NSD2: variants seen among roughly 807,000 people sequenced by gnomAD.
NSD2 encodes histone-lysine N-methyltransferase NSD2.
Under a neutral mutation model 139.0 loss-of-function variants are expected in NSD2, and 12 were observed. That is an observed-to-expected ratio of 0.09 (90% confidence interval 0.06 to 0.14). NSD2 has a LOEUF of 0.14. Among genes scored for constraint, NSD2 ranks in the 10% least tolerant of loss-of-function variants. The pLI is 1.00. For missense variants in NSD2, 1,155 were observed against 1,745.0 expected (o/e 0.66, Z 6.02); for synonymous variants, 669 against 648.7 (o/e 1.03, Z -0.48).
intron 7 of NSD2, 55 bp from the exon 8 acceptor site, chr4:1,938,393 TTTC>T (rs1722664718): frequency 2.3e-6 from 3 of 1,292,340 alleles, no homozygotes; most frequent in Non-Finnish European, 3.1e-6. Context: ...TTTTCCTTTT[TTTC>T]TTTTCTTTTT....
At chr4:1,902,848 T>C (rs1717365627) in intron 2 of NSD2, among the ~76,000 whole-genome samples, 1 of 152,158 alleles carries the variant, frequency 6.6e-6, no homozygotes, top group South Asian at 2.1e-4. Flanking sequence ...AATGTAAACC[T>C]GGGTTGCTGT....
intron 5 of NSD2, among the ~76,000 whole-genome samples, chr4:1,924,308 G>C (rs897423817): frequency 6.6e-6 from 1 of 152,194 alleles, no homozygotes; most frequent in African/African-American, 2.4e-5. Flanking sequence ...CCTGCGCAGG[G>C]TTGGTGAGGT....
intron 1 of NSD2, among the ~76,000 whole-genome samples, chr4:1,879,200 T>C (rs1714520597): frequency 6.6e-6 from 1 of 152,126 alleles, no homozygotes; most frequent in Non-Finnish European, 1.5e-5. Flanking sequence ...TACAACACTT[T>C]TTAAAATTAT....
At chr4:1,874,018 C>T (rs563529027) in intron 1 of NSD2, among the ~76,000 whole-genome samples, 17 of 152,204 alleles carry the variant, frequency 1.1e-4, no homozygotes, top group Non-Finnish European at 2.2e-4. Context: ...CACACTCAGC[C>T]TTCCTGGCTC....
At chr4:1,945,144 A>AT in intron 9 of NSD2, 1 of 1,063,862 alleles carries the variant, frequency 9.4e-7, no homozygotes, top group East Asian at 5.1e-5. Flanking sequence ...GGGAGATCTG[A>AT]TTTTGTGTTT....
intron 21 of NSD2, among the ~76,000 whole-genome samples, chr4:1,977,415 T>A (rs368977435): frequency 9.2e-5 from 14 of 152,344 alleles, no homozygotes; most frequent in East Asian, 3.9e-4. Context: ...TTGCAGTGTG[T>A]CGCCATGAGG....
intron 18 of NSD2, among the ~76,000 whole-genome samples, chr4:1,963,322 G>C (rs1442954042): frequency 1.3e-5 from 2 of 152,138 alleles, no homozygotes; most frequent in Admixed American, 6.5e-5. Flanking sequence ...TTGCTCAAAG[G>C]CTTGGTGGCC....
chr4:1,884,108 G>A (rs1714903490), intron 1 of NSD2, among the ~76,000 whole-genome samples: 1 of 151,754 alleles, frequency 6.6e-6, no homozygotes, highest in Non-Finnish European at 1.5e-5. Flanking sequence ...TTTTTTTGTC[G>A]GGGAGGAGAT....
chr4:1,918,308 T>C lies in NSD2; in HGVS notation c.1095T>C (p.Ile365=), dbSNP rs748474407. 6.2e-7 allele frequency: 1 copy of C among 1,613,980 alleles called. No homozygotes were observed. Among genetic ancestry groups the C allele is most frequent in the African/African-American group, 1.3e-5 (1 of 74,976 alleles). The change falls in exon 5 of 22, where the codon ATT becomes ATC. Residue 365 remains isoleucine (I), a synonymous_variant. Transcript: ENST00000508803. ...LNPQVAKEAG[I]AAESLGEMAE... is the part of the protein sequence containing the mutation. ...CTCAAGTAGCCAAGGAGGCTGGCAT[T>C]GCTGCAGAGTCTTTGGGAGAAATGG... is the stretch of plus-strand genomic sequence containing the variant.
At position 1,978,893 on chromosome 4, in the gene NSD2, TCACAGAGGG is replaced by T; in HGVS notation, c.4085_4093del (p.Thr1362_Gly1364del). On this transcript the variant is annotated inframe_deletion, in exon 22 of 22. Transcript: ENST00000508803. ...CGGCGGCGGAGGGGCTGGCGGAGAG[TCACAGAGGG>T]CAAATAGCGCCAGGCGGCCGCTTGG... The T allele has an allele frequency of 6.4e-7, 1 of 1,558,550 alleles. No homozygotes were observed. Among genetic ancestry groups the T allele is most frequent in the Non-Finnish European group, 8.7e-7 (1 of 1,150,318 alleles).
At chr4:1,917,778 C>CTTTT (rs34000332) in intron 4 of NSD2, among the ~76,000 whole-genome samples, 2 of 122,668 alleles carry the variant, frequency 1.6e-5, no homozygotes, top group African/African-American at 6.0e-5. Flanking sequence ...TAAAAGTATT[C>CTTTT]TTTTTTTTTT....
At chr4:1,927,576 A>G (rs1021295537) in intron 5 of NSD2, among the ~76,000 whole-genome samples, 16 of 151,734 alleles carry the variant, frequency 1.1e-4, no homozygotes, top group African/African-American at 3.4e-4. Flanking sequence ...AAAAGTAGCC[A>G]GGTGTGGTGG....
At position 1,979,563 on chromosome 4, in the gene NSD2, T is replaced by C. The variant is rs1727544651; in HGVS notation, c.*654T>C. 4.3e-6 allele frequency: 1 copy of C among 232,910 alleles called. No individual in the cohort carries two copies. The highest frequency in any genetic ancestry group is 6.0e-5 in the East Asian group (1 of 16,532). The allele number at this position is 232,910 out of a possible 1,614,324, so 14.4% of individuals were successfully genotyped here. The stretch of plus-strand genomic sequence containing the variant: ...TTCCTCCCGTAGTTTTTTCTCCTCA[T>C]GGATTTGAATGAAATGCCAATAACA... On this transcript the variant is annotated 3_prime_UTR_variant, in exon 22 of 22. Coordinates refer to ENST00000508803, the MANE Select transcript of NSD2 (RefSeq NM_001042424.3).
chr4:1,918,584 A>T lies in NSD2; in HGVS notation c.1371A>T (p.Ala457=). Residue 457 remains alanine (A), a synonymous_variant, in exon 5 of 22, where the codon GCA becomes GCT. Coordinates refer to ENST00000508803, the MANE Select transcript of NSD2 (RefSeq NM_001042424.3). ...SMPRSRKGDA[A]SQFLVFCQKH... is the part of the protein sequence containing the mutation. ...CACGAAGCAGGAAGGGAGATGCAGCATCCCAGTTTTTGGTCTTCTGTCAAA... is the reference window on the plus strand; with the variant it reads ...CACGAAGCAGGAAGGGAGATGCAGCTTCCCAGTTTTTGGTCTTCTGTCAAA... 1 of 1,614,002 alleles carries T rather than the reference A, an allele frequency of 6.2e-7. No individual in the cohort carries two copies. Among genetic ancestry groups the T allele is most frequent in the South Asian group, 1.1e-5 (1 of 91,078 alleles).
intron 6 of NSD2, among the ~76,000 whole-genome samples, chr4:1,932,470 G>A (rs562832854): frequency 3.3e-5 from 5 of 150,282 alleles, no homozygotes; most frequent in Admixed American, 2.0e-4. Flanking sequence ...ATTCCAGCCC[G>A]GCGCAGTGGC....
chr4:1,958,997 C>T lies in NSD2; in HGVS notation c.2986-474C>T, dbSNP rs1357167939. On this transcript the variant is annotated intron_variant, in intron 16 of 21. Coordinates refer to ENST00000508803, the MANE Select transcript of NSD2 (RefSeq NM_001042424.3). The surrounding 1 kb of genome is among the most constrained non-coding windows in gnomAD (Gnocchi z 4.6). ...CAAGGTCATGAGAGCAGAGGCTATGCCCTCCTGCCTAGCACTGCTCCTCCT... is the reference window on the plus strand; with the variant it reads ...CAAGGTCATGAGAGCAGAGGCTATGTCCTCCTGCCTAGCACTGCTCCTCCT... Among the ~76,000 whole-genome samples the T allele has an allele frequency of 6.6e-6, 1 of 152,180 alleles. No homozygotes were observed. The highest frequency in any genetic ancestry group is 1.5e-5 in the Non-Finnish European group (1 of 68,028).
intron 9 of NSD2, chr4:1,941,303 T>C (rs1200796391): frequency 1.9e-6 from 2 of 1,055,748 alleles, no homozygotes; most frequent in Non-Finnish European, 2.3e-6. Context: ...GGTCCGGTTA[T>C]TCACTTGAGT....
chr4:1,898,748 G>A (rs1213641863), intron 1 of NSD2, among the ~76,000 whole-genome samples: 1 of 144,266 alleles, frequency 6.9e-6, no homozygotes, highest in Non-Finnish European at 1.5e-5. Context: ...TCATAAACTA[G>A]GCTGCTTGGA....
At position 1,877,030 on chromosome 4, in the gene NSD2, G is replaced by A. The variant is rs1714314200; in HGVS notation, c.-30+5488G>A. Among the ~76,000 whole-genome samples, 3 of 151,846 alleles carry A rather than the reference G, an allele frequency of 2.0e-5. No individual in the cohort carries two copies. The South Asian group carries it at 6.2e-4, about 32-fold the overall frequency. ...TGGGTGCCTGTAATCCCAGCTACTC[G>A]GGAGGCTGAGGCAGGAGACTTCCCT... On this transcript the variant is annotated intron_variant, in intron 1 of 21. Coordinates refer to ENST00000508803, the MANE Select transcript of NSD2 (RefSeq NM_001042424.3).
Sources: gnomAD v4.1 joint callset for allele counts (sites outside exome capture counted in the v4.1 genomes callset) on GRCh38, gnomAD v4.1.1 for gene constraint, Gnocchi (gnomAD v3.1) non-coding constraint, MANE v1.5 for transcripts, NCBI Gene and HGNC (gene_info 2026-07-23, HGNC 2026-07-21) for gene names.